Variants in ALMS1 observed in about 807,000 individuals in gnomAD.
The protein encoded by ALMS1 is centrosome-associated protein ALMS1.
A neutral mutation model predicts 352.2 loss-of-function variants in ALMS1; 271 were observed. That is an observed-to-expected ratio of 0.77 (90% confidence interval 0.70 to 0.85). The LOEUF (loss-of-function observed/expected upper bound fraction) is 0.85. Among genes scored for constraint, ALMS1 ranks in the 40% least tolerant of loss-of-function variants. The pLI is 0.00. For missense variants in ALMS1, 5,445 were observed against 4,870.7 expected (o/e 1.12, Z -3.51); for synonymous variants, 1,865 against 1,761.2 (o/e 1.06, Z -1.48).
intron 1 of ALMS1, among the ~76,000 whole-genome samples, chr2:73,394,908 A>G (rs1670722067): frequency 6.6e-6 from 1 of 151,504 alleles, no homozygotes; most frequent in South Asian, 2.1e-4. Flanking sequence ...TGTGGTAAGT[A>G]TTTGTGTTGG....
Position 73,441,649 on chromosome 2 carries a change from A to G in ALMS1, c.1433-6311A>G, listed in dbSNP as rs200203608. Among the ~76,000 whole-genome samples the G allele has an allele frequency of 1.4e-4, 20 of 140,902 alleles. No homozygotes were observed. The East Asian group carries it at 3.7e-3, about 26-fold the overall frequency. 92.4% of individuals were successfully genotyped at this position (140,902 alleles called of 152,430 possible). On this transcript the variant is annotated intron_variant, in intron 7 of 22. Transcript: ENST00000613296. The stretch of plus-strand genomic sequence containing the variant: ...TATTCCTATTTCTGGTCTTAGTTCC[A>G]CACTGCAGGCCTCTCCAGGGTCCAG...
At chr2:73,550,140 A>G (rs1674398859) in intron 12 of ALMS1, 127 bp from the exon 13 acceptor site, 2 of 927,430 alleles carry the variant, frequency 2.2e-6, no homozygotes, top group Admixed American at 2.3e-5. Context: ...GATTACAGGC[A>G]TGAGCCATCG....
chr2:73,497,033 A>G (rs968321263), intron 10 of ALMS1, among the ~76,000 whole-genome samples: 1 of 152,138 alleles, frequency 6.6e-6, no homozygotes, highest in Non-Finnish European at 1.5e-5. Flanking sequence ...AAAGGCTTTC[A>G]AAAAACAAAG....
At chr2:73,406,826 A>G (rs1174491112) in intron 1 of ALMS1, among the ~76,000 whole-genome samples, 2 of 152,108 alleles carry the variant, frequency 1.3e-5, no homozygotes, top group Admixed American at 6.5e-5. Flanking sequence ...GGGTTTCGCC[A>G]TTGTTGGCCA....
At chr2:73,485,866 C>G (rs1286645855) in intron 9 of ALMS1, among the ~76,000 whole-genome samples, 2 of 152,174 alleles carry the variant, frequency 1.3e-5, no homozygotes, top group Admixed American at 6.5e-5. Flanking sequence ...CTTTCTTTGA[C>G]TAGGAAAGGG....
chr2:73,489,617 T>G lies in ALMS1; in HGVS notation c.7675-17T>G. ...TGGACTACTTCAAATAAGAACCTGT[T>G]TGTTTGTATCTTCTAGGGTTTACAG... On this transcript the variant is annotated splice_polypyrimidine_tract_variant and intron_variant, in intron 9 of 22. Coordinates refer to ENST00000613296, the MANE Select transcript of ALMS1 (RefSeq NM_001378454.1). 1.2e-6 allele frequency: 2 copies of G among 1,613,978 alleles called. No homozygotes were observed. The highest frequency in any genetic ancestry group is 1.7e-6 in the Non-Finnish European group (2 of 1,179,946).
intron 10 of ALMS1, among the ~76,000 whole-genome samples, chr2:73,519,233 A>G (rs1401086413): frequency 1.3e-5 from 2 of 152,180 alleles, no homozygotes; most frequent in African/African-American, 4.8e-5. Context: ...AGGTATTCAC[A>G]TCTGTTATCT....
intron 16 of ALMS1, among the ~76,000 whole-genome samples, chr2:73,579,241 G>A (rs1174234064): frequency 3.3e-5 from 5 of 151,154 alleles, no homozygotes; most frequent in Non-Finnish European, 5.9e-5. Flanking sequence ...TGTGTTTTTA[G>A]TAGAGATGGG....
At chr2:73,471,396 C>T (rs559735059) in intron 9 of ALMS1, among the ~76,000 whole-genome samples, 1 of 146,574 alleles carries the variant, frequency 6.8e-6, no homozygotes, top group African/African-American at 2.5e-5. Flanking sequence ...AGAGACTGAA[C>T]TGGTAATCTA....
chr2:73,451,858 T>C lies in ALMS1; in HGVS notation c.5331T>C (p.His1777=), dbSNP rs770037382. The part of the protein sequence containing the change: ...ISYQQELPDS[H]LTEEALKVSN... ...ACCAGCAAGAGTTGCCAGATAGTCA[T>C]CTAACTGAAGAGGCTCTGAAAGTTT... is the stretch of plus-strand genomic sequence containing the variant. Residue 1777 remains histidine (H), a synonymous_variant, in exon 8 of 23, where the codon CAT becomes CAC. Coordinates refer to ENST00000613296, the MANE Select transcript of ALMS1 (RefSeq NM_001378454.1). 1.9e-6 allele frequency: 3 copies of C among 1,613,662 alleles called. No homozygotes were observed. The highest frequency in any genetic ancestry group is 2.5e-6 in the Non-Finnish European group (3 of 1,179,742).
chr2:73,452,448 C>G lies in ALMS1; in HGVS notation c.5921C>G (p.Ala1974Gly), dbSNP rs563067980. ...AAAGTTTCACCTGTTTCTATACCAG[C>G]AGAGCAGAAGACTGGGATACCAATA... ...ALKVSPVSIPAEQKTGIPIGL... is the reference protein window; with the variant it reads ...ALKVSPVSIPGEQKTGIPIGL... The change falls in exon 8 of 23, where the codon GCA becomes GGA. Residue 1974 changes from alanine (A) to glycine (G), a missense_variant. Physicochemically the swap from Ala to Gly is moderately conservative, Grantham distance 60. Transcript: ENST00000613296. 2 of 1,614,024 alleles carry G rather than the reference C, an allele frequency of 1.2e-6. No homozygotes were observed. Among genetic ancestry groups the G allele is most frequent in the Admixed American group, 3.3e-5 (2 of 59,984 alleles).
At chr2:73,507,510 T>C (rs2103934328) in intron 10 of ALMS1, among the ~76,000 whole-genome samples, 1 of 152,318 alleles carries the variant, frequency 6.6e-6, no homozygotes, top group South Asian at 2.1e-4. Context: ...TGGGAGGGTG[T>C]ATGTGTCGAG....
rs1558647785 is a variant in ALMS1, at chr2:73,448,681, TAGAG to T, written c.2158_2161del (p.Glu720SerfsTer58). ...CAGTACTCTCTACTCCCCACTCACA[TAGAG>T]AGAAGCCTGGTATTTTTTACCAACA... On this transcript the variant is annotated frameshift_variant, in exon 8 of 23. Transcript: ENST00000613296. LOFTEE classifies it high-confidence loss of function. The T allele has an allele frequency of 1.9e-6, 3 of 1,603,944 alleles. No homozygotes were observed. Among genetic ancestry groups the T allele is most frequent in the Non-Finnish European group, 2.6e-6 (3 of 1,173,678 alleles).
Position 73,524,644 on chromosome 2 carries a change from G to C in ALMS1, c.9781+4628G>C, listed in dbSNP as rs1043110205. Among the ~76,000 whole-genome samples the C allele has an allele frequency of 2.0e-5, 3 of 152,054 alleles. No homozygotes were observed. The East Asian group carries it at 5.8e-4, about 29-fold the overall frequency. On this transcript the variant is annotated intron_variant, in intron 11 of 22. Coordinates refer to ENST00000613296, the MANE Select transcript of ALMS1 (RefSeq NM_001378454.1). ...ATTTTTGTATTTTTAGTAGAGAAAG[G>C]GTTTCACCATGTTGGCCAGGCTGGT...
At chr2:73,608,314 G>A (rs1675863786) in intron 21 of ALMS1, among the ~76,000 whole-genome samples, 161 bp from the exon 22 acceptor site, 1 of 152,124 alleles carries the variant, frequency 6.6e-6, no homozygotes, top group Non-Finnish European at 1.5e-5. Context: ...CCGGGCTAGG[G>A]TTTTCTGTGC....
At chr2:73,489,499 GTTATA>G in intron 9 of ALMS1, 130 bp from the exon 10 acceptor site, 1 of 1,015,992 alleles carries the variant, frequency 9.8e-7, no homozygotes, top group South Asian at 1.5e-5. Flanking sequence ...TCTTTGTCCT[GTTATA>G]TTATAAAAGA....
At chr2:73,578,068 TTGTG>T (rs1675090290) in intron 16 of ALMS1, among the ~76,000 whole-genome samples, 1 of 152,184 alleles carries the variant, frequency 6.6e-6, no homozygotes. Flanking sequence ...CTGTTGTCAG[TTGTG>T]TGTATGTTCA....
At position 73,393,333 on chromosome 2, in the gene ALMS1, G is replaced by A. The variant is rs199936412; in HGVS notation, c.324+7141G>A. ...TTTGATCCATTTTGAGTTAATTTTT[G>A]TATACGATATGAAGAAAGGGTTCAA... On this transcript the variant is annotated intron_variant, in intron 1 of 22. Transcript: ENST00000613296. 6.6e-5 allele frequency among the ~76,000 whole-genome samples: 10 copies of A among 150,866 alleles called. No individual in the cohort carries two copies. The East Asian group carries it at 9.6e-4, about 15-fold the overall frequency.
chr2:73,575,261 A>G (rs1033315199), intron 16 of ALMS1, among the ~76,000 whole-genome samples: 10 of 152,176 alleles, frequency 6.6e-5, no homozygotes, highest in East Asian at 1.9e-4. Flanking sequence ...TTTTGGGTAT[A>G]TATCTAGGAA....
Sources: gnomAD v4.1 joint callset for allele counts (sites outside exome capture counted in the v4.1 genomes callset) on GRCh38, gnomAD v4.1.1 for gene constraint, MANE v1.5 for transcripts, NCBI Gene and HGNC (gene_info 2026-07-23, HGNC 2026-07-21) for gene names.